HPX: variants seen among roughly 807,000 people sequenced by gnomAD.
HPX encodes the protein beta-1B-glycoprotein.
A neutral mutation model predicts 53.8 loss-of-function variants in HPX; 42 were observed. The observed-to-expected ratio is 0.78, with a 90% CI of 0.61 to 1.01. The LOEUF is 1.01. HPX is among the 50% of genes least tolerant of loss of function. The pLI is 0.00. For synonymous variants in HPX, 229 were observed against 221.1 expected, an observed-to-expected ratio of 1.04 and a Z score of -0.32; for missense variants, 547 against 594.3, an observed-to-expected ratio of 0.92 and a Z score of 0.83.
intron 5 of HPX, 185 bp from the exon 6 acceptor site, chr11:6,437,837 A>C: frequency 1.3e-5 from 8 of 605,794 alleles, no homozygotes; most frequent in East Asian, 5.5e-5. Flanking sequence ...GGATCAGCTC[A>C]GCAAAGGCAG....
At chr11:6,438,866 TCATC>T (rs149070887) in intron 4 of HPX, among the ~76,000 whole-genome samples, 4,583 of 152,318 alleles carry the variant, frequency 0.03, 242 homozygotes, top group African/African-American at 0.1. Context: ...ATTCATTCAT[TCATC>T]CAAGAAACAG....
intron 1 of HPX, 37 bp from the exon 2 acceptor site, chr11:6,440,767 A>G (rs1402160833): frequency 1.2e-6 from 2 of 1,605,414 alleles, no homozygotes; most frequent in Non-Finnish European, 1.7e-6. Flanking sequence ...ATCCATTGGG[A>G]CCGATCCCTT....
In HPX at chr11:6,431,657, C is replaced by T. The variant is rs1203239421; in HGVS notation, c.1113G>A (p.Arg371=). 1 of 1,613,896 alleles carries T rather than the reference C, an allele frequency of 6.2e-7. No homozygotes were observed. The highest frequency in any genetic ancestry group is 8.5e-7 in the Non-Finnish European group (1 of 1,180,024). The change falls in exon 9 of 10, where the codon CGG becomes CGA. Residue 371 remains arginine, a synonymous_variant. Transcript: ENST00000265983. The part of the protein sequence containing the change: ...DAAFICPGSS[R]LHIMAGRRLW... ...GCCCCTCACCTGCCATGATATGGAGCCGAGAAGACCCAGGGCAGATAAAGG... is the reference window on the plus strand; with the variant it reads ...GCCCCTCACCTGCCATGATATGGAGTCGAGAAGACCCAGGGCAGATAAAGG...
At chr11:6,431,556 T>G (rs927967263) in intron 9 of HPX, 85 bp downstream of exon 9, 3 of 1,605,986 alleles carry the variant, frequency 1.9e-6, no homozygotes, top group Non-Finnish European at 2.6e-6. Flanking sequence ...GATCCTGACC[T>G]AGGCCTTCTC....
chr11:6,440,846 C>T, intron 1 of HPX, 35 bp downstream of exon 1: 1 of 1,607,446 alleles, frequency 6.2e-7, no homozygotes, highest in Non-Finnish European at 8.5e-7. Flanking sequence ...TAGCCCAGAA[C>T]TCAATCCTTC....
chr11:6,431,590 A>T, intron 9 of HPX, 51 bp downstream of exon 9: 1 of 1,609,668 alleles, frequency 6.2e-7, no homozygotes, highest in Non-Finnish European at 8.5e-7. Context: ...GATCTATGCC[A>T]CAGACAGGTA....
Position 6,440,458 on chromosome 11 carries a change from C to T in HPX, c.214+9G>A, listed in dbSNP as rs1444607900. 2.5e-6 allele frequency: 4 copies of T among 1,609,090 alleles called. No homozygotes were observed. ...AGGTCCTAAACGCCCTAACCTCAGT[C>T]CCTCCTACCTTTAAAAAACAGCATG... is the stretch of plus-strand genomic sequence containing the variant. On this transcript the variant is annotated intron_variant, in intron 3 of 9. Transcript: ENST00000265983.
chr11:6,438,237 TTCCTTAAAAAGCCACATAGTGGC>T, intron 5 of HPX, 96 bp downstream of exon 5: 1 of 1,062,474 alleles, frequency 9.4e-7, no homozygotes, highest in Admixed American at 2.2e-5. Flanking sequence ...TCTATTTCCC[TTCCTTAAAAAGCCACATAGTGGC>T]TCCACCACCA....
intron 7 of HPX, among the ~76,000 whole-genome samples, chr11:6,433,825 C>T (rs1374099292): frequency 6.6e-6 from 1 of 152,182 alleles, no homozygotes; most frequent in Non-Finnish European, 1.5e-5. Flanking sequence ...TCTCTGTGTT[C>T]CAGCCTCACC....
Position 6,431,250 on chromosome 11 carries a change from T to C in HPX, c.1350A>G (p.Gln450=), listed in dbSNP as rs776981058. ...EKLNAAKALP[Q]PQNVTSLLGC... Reference sequence around the variant, plus strand: ...CCAGGAGACTGGTCACATTCTGGGGTTGCGGAAGGGCCTTGGCTGCATTCA... The same window carrying C: ...CCAGGAGACTGGTCACATTCTGGGGCTGCGGAAGGGCCTTGGCTGCATTCA... Residue 450 remains glutamine, a synonymous_variant, in exon 10 of 10, where the codon CAA becomes CAG. Transcript: ENST00000265983. 1.2e-6 allele frequency: 2 copies of C among 1,614,172 alleles called. No individual in the cohort carries two copies. Among genetic ancestry groups the C allele is most frequent in the Admixed American group, 1.7e-5 (1 of 60,026 alleles).
intron 5 of HPX, 75 bp from the exon 6 acceptor site, chr11:6,437,727 A>ACCACTCGCGGTCACCT: frequency 8.7e-7 from 1 of 1,156,016 alleles, no homozygotes; most frequent in Non-Finnish European, 1.3e-6. Flanking sequence ...GGGTCCCAGG[A>ACCACTCGCGGTCACCT]TGGGCCAGAT....
At position 6,431,257 on chromosome 11, in the gene HPX, A is replaced by G; in HGVS notation, c.1343T>C (p.Leu448Pro). 1 of 1,614,266 alleles carries G rather than the reference A, an allele frequency of 6.2e-7. No individual in the cohort carries two copies. Among genetic ancestry groups the G allele is most frequent in the South Asian group, 1.1e-5 (1 of 91,090 alleles). The change falls in exon 10 of 10, where the codon CTT becomes CCT. Residue 448 changes from leucine to proline, a missense_variant. By Grantham distance (98) the Leu-to-Pro change is moderately conservative. Coordinates refer to ENST00000265983, the MANE Select transcript of HPX (RefSeq NM_000613.3). ...ACTGGTCACATTCTGGGGTTGCGGA[A>G]GGGCCTTGGCTGCATTCAGTTTCTC... ...DVEKLNAAKA[L>P]PQPQNVTSLL...
intron 6 of HPX, 90 bp from the exon 7 acceptor site, chr11:6,437,267 G>A: frequency 6.7e-7 from 1 of 1,493,102 alleles, no homozygotes; most frequent in South Asian, 1.2e-5. Context: ...GGTTAGTGGG[G>A]TGTGGGTTTC....
rs762462909 is a variant in HPX, at chr11:6,438,453, C to A, written c.393G>T (p.Leu131Phe). The change falls in exon 5 of 10, where the codon TTG becomes TTT. Residue 131 changes from leucine (L) to phenylalanine (F), a missense_variant. Physicochemically the swap from Leu to Phe is conservative, Grantham distance 22. Transcript: ENST00000265983. Reference sequence around the variant, plus strand: ...GGATTCCAGGAAATTCATCTTGGAGCAACTTTGGGTATCCTTTCTCCTTCT... The same window carrying A: ...GGATTCCAGGAAATTCATCTTGGAGAAACTTTGGGTATCCTTTCTCCTTCT... ...PEKKEKGYPK[L>F]LQDEFPGIPS... The A allele has an allele frequency of 6.2e-7, 1 of 1,613,968 alleles. No individual in the cohort carries two copies. The highest frequency in any genetic ancestry group is 8.5e-7 in the Non-Finnish European group (1 of 1,179,810).
rs142045379 is a variant in HPX at position 6,431,739 on chromosome 11, C to G, written c.1031G>C (p.Arg344Pro). Residue 344 changes from arginine (R) to proline (P), a missense_variant, in exon 9 of 10, where the codon CGG (arginine) becomes CCG (proline). By Grantham distance (103) the Arg-to-Pro change is moderately radical. Coordinates refer to ENST00000265983, the MANE Select transcript of HPX (RefSeq NM_000613.3). ...GYTLVSGYPK[R>P]LEKEVGTPHG... is the part of the protein sequence containing the mutation. ...AGGGGTCCCGACTTCCTTCTCCAGC[C>G]GCTTCGGATAACCGCTTACTAGGGT... is the stretch of plus-strand genomic sequence containing the variant. The G allele has an allele frequency of 6.2e-7, 1 of 1,614,212 alleles. No homozygotes were observed. The highest frequency in any genetic ancestry group is 1.3e-5 in the African/African-American group (1 of 75,044).
rs563585430 is a variant in HPX at position 6,431,139 on chromosome 11, C to T, written c.*72G>A. On this transcript the variant is annotated 3_prime_UTR_variant, in exon 10 of 10. Coordinates refer to ENST00000265983, the MANE Select transcript of HPX (RefSeq NM_000613.3). ...TGTCAGAAGGCCCCTCAGTGAGAAG[C>T]GAAGAAGCAATCTGTCTTTATTATG... 8.3e-6 allele frequency: 13 copies of T among 1,572,978 alleles called. No individual in the cohort carries two copies. Among genetic ancestry groups the T allele is most frequent in the East Asian group, 2.3e-5 (1 of 44,292 alleles).
intron 4 of HPX, among the ~76,000 whole-genome samples, chr11:6,439,366 C>T (rs1849456648): frequency 6.6e-6 from 1 of 152,132 alleles, no homozygotes; most frequent in Admixed American, 6.5e-5. Context: ...TTTACTGAAA[C>T]AGGAAACACA....
At position 6,438,508 on chromosome 11, in the gene HPX, C is replaced by A; in HGVS notation, c.338G>T (p.Gly113Val). 6.2e-7 allele frequency: 1 copy of A among 1,613,862 alleles called. No homozygotes were observed. The highest frequency in any genetic ancestry group is 2.2e-5 in the East Asian group (1 of 44,888). ...QGHNSVFLIK[G>V]DKVWVYPPEK... ...AGGAGGGTATACCCAGACTTTGTCCCCCTGCATTCAAAAGTACTCTCTTTT... is the reference window on the plus strand; with the variant it reads ...AGGAGGGTATACCCAGACTTTGTCCACCTGCATTCAAAAGTACTCTCTTTT... Residue 113 changes from glycine (G) to valine (V), a missense_variant and splice_region_variant, in exon 5 of 10, where the codon GGG (glycine) becomes GTG (valine). Gly to Val is a moderately radical substitution (Grantham distance 109). Transcript: ENST00000265983.
At chr11:6,432,832 T>C (rs1450280547) in intron 7 of HPX, among the ~76,000 whole-genome samples, 2 of 152,178 alleles carry the variant, frequency 1.3e-5, no homozygotes, top group Admixed American at 1.3e-4. Context: ...GGGCCTCTTC[T>C]CTTCTCTCTC....
Sources: allele counts gnomAD v4.1 joint callset (sites outside exome capture counted in the v4.1 genomes callset), GRCh38; gene constraint gnomAD v4.1.1; transcripts MANE v1.5; gene names NCBI Gene and HGNC (gene_info 2026-07-23, HGNC 2026-07-21).